ENOX1: variants seen among roughly 807,000 people sequenced by gnomAD.
ENOX1 encodes the protein ecto-NOX disulfide-thiol exchanger 1.
In ENOX1, 42 loss-of-function variants were observed where a neutral mutation model predicts 82.5. The observed-to-expected ratio is 0.51, with a 90% CI of 0.40 to 0.66. The LOEUF is 0.66. Among genes scored for constraint, ENOX1 ranks in the 30% least tolerant of loss-of-function variants. The pLI is 0.00. For missense variants in ENOX1, 608 were observed against 811.6 expected (o/e 0.75, Z 3.05); for synonymous variants, 271 against 282.2 (o/e 0.96, Z 0.40).
chr13:43,380,757 G>A (rs1449247680), intron 5 of ENOX1, among the ~76,000 whole-genome samples: 6 of 151,534 alleles, frequency 4.0e-5, no homozygotes, highest in African/African-American at 1.5e-4. Flanking sequence ...TGGAAAGGGG[G>A]CATGCTAATA....
chr13:43,526,539 AAC>A (rs2077998612), intron 2 of ENOX1, among the ~76,000 whole-genome samples: 1 of 152,176 alleles, frequency 6.6e-6, no homozygotes, highest in Admixed American at 6.6e-5. Flanking sequence ...CAGGAAAAGA[AAC>A]AGAGAAAAGC....
chr13:43,690,626 C>T lies in ENOX1; in HGVS notation c.-284-23082G>A, dbSNP rs998663178. On this transcript the variant is annotated intron_variant, in intron 1 of 16. Transcript: ENST00000690772. The stretch of plus-strand genomic sequence containing the variant: ...TTTCGTTTGATTTGAAAGAGACCAG[C>T]CAGTGGATATAAGCAAGGAAAAACT... Among the ~76,000 whole-genome samples the T allele has an allele frequency of 3.3e-5, 5 of 152,142 alleles. No individual in the cohort carries two copies. The East Asian group carries it at 7.7e-4, about 23-fold the overall frequency.
At chr13:43,501,636 A>G (rs2076983531) in intron 2 of ENOX1, among the ~76,000 whole-genome samples, 1 of 151,704 alleles carries the variant, frequency 6.6e-6, no homozygotes, top group Non-Finnish European at 1.5e-5. Flanking sequence ...AAATTTGAAA[A>G]CACACTCCTA....
chr13:43,483,964 A>G (rs1303218904), intron 3 of ENOX1, 45 bp downstream of exon 3: 4 of 979,650 alleles, frequency 4.1e-6, no homozygotes, highest in African/African-American at 1.7e-5. Context: ...AATATCCCTC[A>G]AACTTAGTAT....
intron 8 of ENOX1, among the ~76,000 whole-genome samples, chr13:43,353,693 T>C (rs1019006250): frequency 6.6e-6 from 1 of 152,244 alleles, no homozygotes; most frequent in African/African-American, 2.4e-5. Flanking sequence ...ATTGTCAAGC[T>C]TGATATTACC....
chr13:43,756,889 G>C (rs754395913), intron 1 of ENOX1, among the ~76,000 whole-genome samples: 43 of 148,578 alleles, frequency 2.9e-4, no homozygotes, highest in South Asian at 1.5e-3. Flanking sequence ...TTGGGAGGCT[G>C]AGGTAAGAGG....
intron 2 of ENOX1, among the ~76,000 whole-genome samples, chr13:43,495,193 C>T (rs1041155911): frequency 6.6e-6 from 1 of 152,052 alleles, no homozygotes; most frequent in African/African-American, 2.4e-5. Flanking sequence ...TATTGTTCAG[C>T]GAGTATAATA....
intron 14 of ENOX1, among the ~76,000 whole-genome samples, chr13:43,250,332 G>A (rs2043380703): frequency 6.6e-6 from 1 of 152,162 alleles, no homozygotes; most frequent in Non-Finnish European, 1.5e-5. Context: ...AGTCAGTCTT[G>A]AGTGAGTTCC....
intron 12 of ENOX1, among the ~76,000 whole-genome samples, chr13:43,286,538 T>G (rs1423766053): frequency 6.6e-6 from 1 of 152,154 alleles, no homozygotes; most frequent in Non-Finnish European, 1.5e-5. Flanking sequence ...TCAAATGATT[T>G]TAATAGTCTG....
At chr13:43,680,827 G>A (rs2085747261) in intron 1 of ENOX1, among the ~76,000 whole-genome samples, 1 of 152,080 alleles carries the variant, frequency 6.6e-6, no homozygotes, top group South Asian at 2.1e-4. Flanking sequence ...GTCAGGAAAT[G>A]AAAAGACAAA....
At chr13:43,535,632 C>T (rs1366765196) in intron 2 of ENOX1, among the ~76,000 whole-genome samples, 2 of 152,172 alleles carry the variant, frequency 1.3e-5, no homozygotes, top group Non-Finnish European at 2.9e-5. Context: ...TTAAAAGTTT[C>T]AGCCCATGAG....
At chr13:43,251,404 A>G (rs763082661) in intron 14 of ENOX1, among the ~76,000 whole-genome samples, 5 of 152,214 alleles carry the variant, frequency 3.3e-5, no homozygotes, top group East Asian at 1.9e-4. Context: ...GCAATCATCA[A>G]TCGATGAGTG....
chr13:43,358,941 C>T (rs1396993912), intron 7 of ENOX1, among the ~76,000 whole-genome samples: 1 of 152,150 alleles, frequency 6.6e-6, no homozygotes, highest in East Asian at 1.9e-4. Context: ...CACTGTCTAC[C>T]TTAGGAAAGT....
chr13:43,606,984 G>A lies in ENOX1; in HGVS notation c.-219+60495C>T, dbSNP rs2082001633. ...GATAGTGCCACTGTGCTCCAGCCTGGGTGACAGAGCGAGACCCTGTCTCAA... is the reference window on the plus strand; with the variant it reads ...GATAGTGCCACTGTGCTCCAGCCTGAGTGACAGAGCGAGACCCTGTCTCAA... On this transcript the variant is annotated intron_variant, in intron 2 of 16. Transcript: ENST00000690772. 2.0e-5 allele frequency among the ~76,000 whole-genome samples: 3 copies of A among 152,046 alleles called. No homozygotes were observed. In the South Asian group the frequency reaches 6.2e-4, roughly 31 times the overall value.
At chr13:43,560,113 C>A (rs2079605684) in intron 2 of ENOX1, among the ~76,000 whole-genome samples, 2 of 152,254 alleles carry the variant, frequency 1.3e-5, no homozygotes, top group Non-Finnish European at 2.9e-5. Context: ...GAAACATTTG[C>A]TATTTTATTA....
chr13:43,524,067 A>G (rs1375725793), intron 2 of ENOX1, among the ~76,000 whole-genome samples: 5 of 152,100 alleles, frequency 3.3e-5, no homozygotes, highest in African/African-American at 4.8e-5. Context: ...CTCCATGGCT[A>G]CAGCCATCGT....
chr13:43,695,038 C>A (rs1400427484), intron 1 of ENOX1, among the ~76,000 whole-genome samples: 1 of 152,134 alleles, frequency 6.6e-6, no homozygotes, highest in Admixed American at 6.5e-5. Flanking sequence ...AGCACAAGCA[C>A]TAACCACACA....
chr13:43,260,999 G>C (rs1165316021), intron 14 of ENOX1, among the ~76,000 whole-genome samples: 2 of 152,192 alleles, frequency 1.3e-5, no homozygotes, highest in Non-Finnish European at 2.9e-5. Context: ...GGAGAACAAG[G>C]CCTTTGCAGT....
rs1193274823 is a variant in ENOX1 at position 43,213,897 on chromosome 13, T to A, written c.*93A>T. On this transcript the variant is annotated 3_prime_UTR_variant, in exon 17 of 17. Transcript: ENST00000690772. ...CTTCGATGGCTCCACAAAGGTTGCG[T>A]GCTGGACCAACCCCACACCTCCTGC... The A allele has an allele frequency of 5.4e-6, 8 of 1,469,298 alleles. No individual in the cohort carries two copies. The highest frequency in any genetic ancestry group is 6.4e-6 in the Non-Finnish European group (7 of 1,089,900). 91.0% of individuals were successfully genotyped at this position (1,469,298 alleles called of 1,614,324 possible). A position where few individuals can be genotyped will look rare whatever the true frequency, so the allele number is the denominator to read the frequency against.
Sources: gnomAD v4.1 joint callset for allele counts (sites outside exome capture counted in the v4.1 genomes callset) on GRCh38, gnomAD v4.1.1 for gene constraint, MANE v1.5 for transcripts, NCBI Gene and HGNC (gene_info 2026-07-23, HGNC 2026-07-21) for gene names.